STS: variants seen among roughly 807,000 people sequenced by gnomAD.
STS encodes steryl-sulfatase.
Under a neutral mutation model 26.8 loss-of-function variants are expected in STS, and 7 were observed. That is an observed-to-expected ratio of 0.26 (90% CI 0.15 to 0.49). The LOEUF is 0.49. STS is among the 20% of genes least tolerant of loss of function. The pLI is 0.98. For missense variants in STS, 434 were observed against 465.6 expected, an observed-to-expected ratio of 0.93 and a Z score of 0.63; for synonymous variants, 199 against 189.4, an observed-to-expected ratio of 1.05 and a Z score of -0.42.
chrX:7,262,977 C>T (rs1300662427), intron 6 of STS, among the ~76,000 whole-genome samples: 5 of 112,169 alleles, frequency 4.5e-5, no homozygotes, highest in African/African-American at 3.2e-5. Flanking sequence ...AGACATGTAC[C>T]GCATAATAAC....
At chrX:7,224,508 C>A (rs1921717287) in intron 2 of STS, among the ~76,000 whole-genome samples, 1 of 110,946 alleles carries the variant, frequency 9.0e-6, no homozygotes, top group South Asian at 3.9e-4. Context: ...GGGGTTTGTC[C>A]TGAAAAATGG....
chrX:7,287,960 C>T (rs920712895), intron 7 of STS, among the ~76,000 whole-genome samples: 1 of 110,275 alleles, frequency 9.1e-6, no homozygotes, highest in African/African-American at 3.3e-5. Flanking sequence ...TTTCATCTAT[C>T]GGGTGAAAAA....
chrX:7,280,893 T>A (rs1924824182), intron 7 of STS, among the ~76,000 whole-genome samples: 2 of 112,795 alleles, frequency 1.8e-5, no homozygotes, highest in South Asian at 7.3e-4. Context: ...TGGCTTCCAA[T>A]CAAAGCTTCC....
At chrX:7,263,076 T>G (rs1267719308) in intron 6 of STS, among the ~76,000 whole-genome samples, 2 of 112,129 alleles carry the variant, frequency 1.8e-5, no homozygotes, top group African/African-American at 6.5e-5. Context: ...TTGTATCTTT[T>G]TTGTTTTTTT....
intron 2 of STS, among the ~76,000 whole-genome samples, chrX:7,245,145 T>C (rs934633277): frequency 1.3e-4 from 14 of 111,182 alleles, no homozygotes; most frequent in Non-Finnish European, 2.4e-4. Flanking sequence ...TGGTATTAGT[T>C]ATGGATTTGT....
intron 10 of STS, among the ~76,000 whole-genome samples, chrX:7,344,179 A>G (rs1208159227): frequency 8.9e-6 from 1 of 112,028 alleles, no homozygotes; most frequent in African/African-American, 3.2e-5. Flanking sequence ...CTGACATTTC[A>G]GGGGCTCAGC....
At chrX:7,191,694 C>T (rs1307963580) in intron 2 of STS, among the ~76,000 whole-genome samples, 3 of 109,775 alleles carry the variant, frequency 2.7e-5, no homozygotes, top group South Asian at 4.0e-4. Context: ...GGTCTCTCCC[C>T]GCAGGAAGTG....
intron 2 of STS, among the ~76,000 whole-genome samples, chrX:7,201,114 CAG>C (rs1934063919): frequency 9.1e-6 from 1 of 109,822 alleles, no homozygotes; most frequent in African/African-American, 3.3e-5. Flanking sequence ...GGATGATAGA[CAG>C]ATATATAGAT....
At chrX:7,324,645 G>C (rs887793932) in intron 8 of STS, among the ~76,000 whole-genome samples, 1 of 111,421 alleles carries the variant, frequency 9.0e-6, no homozygotes, top group Admixed American at 9.5e-5. Flanking sequence ...GCTAATGCTG[G>C]TCAGTTGTAC....
At chrX:7,223,895 AT>A (rs777830858) in intron 2 of STS, among the ~76,000 whole-genome samples, 1 of 108,068 alleles carries the variant, frequency 9.3e-6, no homozygotes, top group African/African-American at 3.4e-5. Flanking sequence ...ATAGACATTC[AT>A]TTTTTTTTCA....
chrX:7,273,535 A>G lies in STS; in HGVS notation c.807-2416A>G, dbSNP rs1924386222. Among the ~76,000 whole-genome samples the G allele has an allele frequency of 3.6e-5, 4 of 111,993 alleles. No homozygotes were observed. The Admixed American group carries it at 3.8e-4, about 11-fold the overall frequency. On this transcript the variant is annotated intron_variant, in intron 6 of 10. Coordinates refer to ENST00000674429, the MANE Select transcript of STS (RefSeq NM_001320752.2). ...CCAGAGAAGGTCCTACCCCACACTT[A>G]GAAAGAAGGAACGCTGCTCAGAGAG...
chrX:7,177,265 A>C lies in STS; in HGVS notation c.-133-13615A>C, dbSNP rs747669942. ...TTTGTAAAGATGGACCTTGATCAAA[A>C]TCTTTTGTGGGTGAGCCATTTATAT... On this transcript the variant is annotated intron_variant, in intron 1 of 10. Transcript: ENST00000674429. Among the ~76,000 whole-genome samples the C allele has an allele frequency of 4.5e-5, 5 of 110,667 alleles. No individual in the cohort carries two copies. In the South Asian group the frequency reaches 1.9e-3, roughly 42 times the overall value.
In STS at chrX:7,205,322, C is replaced by T. The variant is rs1015707490; in HGVS notation, c.-5+14314C>T. ...TTATTATTCATCACGTTTTGTTGTT[C>T]CCCCCAAGCTAAAAGTGACAACTCT... is the stretch of plus-strand genomic sequence containing the variant. On this transcript the variant is annotated intron_variant, in intron 2 of 10. Transcript: ENST00000674429. 5.4e-5 allele frequency among the ~76,000 whole-genome samples: 6 copies of T among 111,769 alleles called. No individual in the cohort carries two copies. The East Asian group carries it at 8.5e-4, about 16-fold the overall frequency.
chrX:7,278,282 A>G (rs1924634959), intron 7 of STS, among the ~76,000 whole-genome samples: 1 of 112,334 alleles, frequency 8.9e-6, no homozygotes, highest in Non-Finnish European at 1.9e-5. Flanking sequence ...TTTCCTTATT[A>G]CACAGGACGG....
In STS at chrX:7,222,528, C is replaced by CAAAAAA. The variant is rs770658761; in HGVS notation, c.-4-30650_-4-30645dup. ...TTGTGAGAAAGGATGCCCTCAGCTG[C>CAAAAAA]AAAAAAAAAAAAAAAAAAAAAAAGA... On this transcript the variant is annotated intron_variant, in intron 2 of 10. Coordinates refer to ENST00000674429, the MANE Select transcript of STS (RefSeq NM_001320752.2). Among the ~76,000 whole-genome samples the CAAAAAA allele has an allele frequency of 9.4e-4, 37 of 39,234 alleles. 1 individual carries two copies. The highest frequency in any genetic ancestry group is 0.016 in the Middle Eastern group (1 of 63). 34.1% of individuals were successfully genotyped at this position (39,234 alleles called of 115,157 possible). A position where few individuals can be genotyped will look rare whatever the true frequency, so the allele number is the denominator to read the frequency against.
chrX:7,343,671 T>A (rs1420373452), intron 10 of STS, among the ~76,000 whole-genome samples: 2 of 111,497 alleles, frequency 1.8e-5, no homozygotes, highest in Non-Finnish European at 3.8e-5. Flanking sequence ...ATGCCCTTAA[T>A]CAAGTCAGTG....
At chrX:7,322,383 A>G (rs1415298830) in intron 8 of STS, among the ~76,000 whole-genome samples, 1 of 111,548 alleles carries the variant, frequency 9.0e-6, no homozygotes, top group East Asian at 2.8e-4. Flanking sequence ...GGCTGCCTCA[A>G]TGCAGATTCT....
At chrX:7,343,751 C>T (rs774884428) in intron 10 of STS, among the ~76,000 whole-genome samples, 3 of 112,083 alleles carry the variant, frequency 2.7e-5, no homozygotes, top group South Asian at 3.8e-4. Flanking sequence ...CCCCGCCTAC[C>T]GCCAGCACCC....
intron 2 of STS, among the ~76,000 whole-genome samples, chrX:7,231,551 C>T (rs1922060406): frequency 9.0e-6 from 1 of 111,009 alleles, no homozygotes; most frequent in East Asian, 2.8e-4. Flanking sequence ...AGTTATAAGT[C>T]TCCCTTTCTT....
Sources: allele counts gnomAD v4.1 joint callset (sites outside exome capture counted in the v4.1 genomes callset), GRCh38; gene constraint gnomAD v4.1.1; transcripts MANE v1.5; gene names NCBI Gene and HGNC (gene_info 2026-07-23, HGNC 2026-07-21).